MAP4: variants seen among roughly 807,000 people sequenced by gnomAD.
The protein encoded by MAP4 is microtubule associated protein 4.
MAP4 carries 76 observed loss-of-function variants against 170.2 expected under a neutral mutation model. The ratio of observed to expected loss-of-function variants is 0.45; its 90% CI spans 0.37 to 0.54. The LOEUF (loss-of-function observed/expected upper bound fraction) is 0.54, where lower values mean the gene tolerates loss of function less well. Ranked by LOEUF, MAP4 falls within the 20% of genes least tolerant of loss-of-function variation. The probability of loss-of-function intolerance (pLI) is 0.00; values close to 1 mark genes in which losing one functional copy is unlikely to be tolerated. For synonymous variants in MAP4, 909 were observed against 994.5 expected (o/e 0.91, Z 1.62); for missense variants, 2,506 against 2,748.0 (o/e 0.91, Z 1.97).
intron 10 of MAP4, chr3:47,892,736 CA>C: frequency 7.5e-7 from 1 of 1,330,330 alleles, no homozygotes. Flanking sequence ...TTCTGCACAA[CA>C]AAATGCTACT....
intron 1 of MAP4, among the ~76,000 whole-genome samples, chr3:48,031,770 C>T (rs2100116232): frequency 6.6e-6 from 1 of 152,074 alleles, no homozygotes; most frequent in African/African-American, 2.4e-5. Context: ...ATGGTCCCAG[C>T]TATTTGGGAA....
At chr3:47,886,494 T>G (rs185673290) in intron 10 of MAP4, among the ~76,000 whole-genome samples, 21 of 152,168 alleles carry the variant, frequency 1.4e-4, no homozygotes, top group African/African-American at 4.3e-4. Flanking sequence ...TAGAGATGGG[T>G]TTTTTGCCAT....
At chr3:47,900,998 G>T (rs2100029679) in intron 10 of MAP4, among the ~76,000 whole-genome samples, 1 of 152,090 alleles carries the variant, frequency 6.6e-6, no homozygotes, top group Non-Finnish European at 1.5e-5. Flanking sequence ...TTTAACAGAT[G>T]TCCCTGTTTC....
chr3:48,000,633 G>A (rs931122845), intron 1 of MAP4, among the ~76,000 whole-genome samples: 5 of 152,114 alleles, frequency 3.3e-5, no homozygotes, highest in Non-Finnish European at 7.4e-5. Context: ...CTATTTAGTT[G>A]CCCTGGTTGA....
chr3:48,013,709 T>TAA lies in MAP4; in HGVS notation c.-20+2623_-20+2624dup, dbSNP rs11373263. On this transcript the variant is annotated intron_variant, in intron 1 of 20. Coordinates refer to ENST00000683076, the MANE Select transcript of MAP4 (RefSeq NM_001385682.1). ...CATTTATAATTGGGTTGAGGTTTAT[T>TAA]AAAAAAAAAAAAAAAAGCTTTTTGG... Among the ~76,000 whole-genome samples, 607 of 134,664 alleles carry TAA rather than the reference T, an allele frequency of 4.5e-3. 2 individuals are homozygous for TAA. The highest frequency in any genetic ancestry group is 9.9e-3 in the East Asian group (47 of 4,750). 88.3% of individuals were successfully genotyped at this position (134,664 alleles called of 152,430 possible). A position where few individuals can be genotyped will look rare whatever the true frequency, so the allele number is the denominator to read the frequency against.
intron 1 of MAP4, among the ~76,000 whole-genome samples, chr3:48,055,950 A>AGG: frequency 1.1e-5 from 1 of 87,344 alleles, no homozygotes; most frequent in East Asian, 4.0e-4. Context: ...CTGAGAAGTG[A>AGG]GGAGACCCTC....
chr3:47,969,362 C>G (rs777886025), intron 3 of MAP4, among the ~76,000 whole-genome samples: 1 of 150,802 alleles, frequency 6.6e-6, no homozygotes, highest in African/African-American at 2.4e-5. Context: ...GCCAAGATCA[C>G]GCCATTGCAC....
chr3:47,865,651 A>G (rs1559812810), intron 17 of MAP4, among the ~76,000 whole-genome samples: 1 of 152,174 alleles, frequency 6.6e-6, no homozygotes. Context: ...TCTAAAAATG[A>G]TAAGGGTAAG....
At chr3:48,056,509 C>G (rs1204496224) in intron 1 of MAP4, among the ~76,000 whole-genome samples, 2 of 75,152 alleles carry the variant, frequency 2.7e-5, no homozygotes, top group South Asian at 9.4e-4. Context: ...GCCCTCCCCC[C>G]GGCCAGCCGC....
At chr3:47,868,579 G>T (rs568654823) in intron 16 of MAP4, among the ~76,000 whole-genome samples, 1 of 152,142 alleles carries the variant, frequency 6.6e-6, no homozygotes, top group African/African-American at 2.4e-5. Context: ...GGTAGGTGTT[G>T]CAAGCACTCA....
chr3:47,987,353 G>A, intron 2 of MAP4: 1 of 1,498,682 alleles, frequency 6.7e-7, no homozygotes. Flanking sequence ...ACAGAGGAAA[G>A]AGGAAAGTTC....
chr3:47,952,271 C>T (rs1318283240), intron 3 of MAP4, among the ~76,000 whole-genome samples: 6 of 144,570 alleles, frequency 4.2e-5, no homozygotes, highest in African/African-American at 5.1e-5. Flanking sequence ...GGGGGTCAGC[C>T]CCCCCGCCCG....
intron 10 of MAP4, among the ~76,000 whole-genome samples, chr3:47,885,097 T>C (rs1171811087): frequency 6.6e-6 from 1 of 152,158 alleles, no homozygotes; most frequent in Non-Finnish European, 1.5e-5. Flanking sequence ...TTTTTCTTTC[T>C]TGTTTTTTTG....
chr3:47,934,586 G>A (rs536243704), intron 3 of MAP4, among the ~76,000 whole-genome samples: 2 of 152,288 alleles, frequency 1.3e-5, no homozygotes, highest in East Asian at 1.9e-4. Flanking sequence ...ACAGGCCACC[G>A]TGCCTGGCCC....
At chr3:47,994,144 T>C (rs1275222914) in intron 2 of MAP4, among the ~76,000 whole-genome samples, 2 of 152,184 alleles carry the variant, frequency 1.3e-5, no homozygotes, top group East Asian at 3.8e-4. Context: ...TTTCTTCATT[T>C]TTCTTCATTT....
intron 3 of MAP4, chr3:47,974,389 C>T: frequency 1.2e-6 from 1 of 840,660 alleles, no homozygotes; most frequent in Non-Finnish European, 1.4e-6. Context: ...CGCGCCACCG[C>T]ACTCCAGCCT....
intron 1 of MAP4, among the ~76,000 whole-genome samples, chr3:48,067,920 G>A (rs1439986648): frequency 2.6e-5 from 4 of 152,066 alleles, no homozygotes; most frequent in African/African-American, 7.2e-5. Flanking sequence ...GATTACAGGC[G>A]TGAGCCACTG....
chr3:47,975,414 ATCACTGG>A (rs2100081409), intron 3 of MAP4: 1 of 1,561,696 alleles, frequency 6.4e-7, no homozygotes, highest in African/African-American at 1.4e-5. Context: ...CTTAGGAAAG[ATCACTGG>A]TCTGGTGTTG....
Position 47,870,832 on chromosome 3 carries a change from T to A in MAP4, c.6275A>T (p.His2092Leu). The change falls in exon 15 of 21, where the codon CAT becomes CTT. Residue 2092 changes from histidine to leucine, a missense_variant. His to Leu is a moderately conservative substitution (Grantham distance 99, BLOSUM62 -3). Coordinates refer to ENST00000683076, the MANE Select transcript of MAP4 (RefSeq NM_001385682.1). ...ACCCACCCGGCCTCCTCCAGGCTGA[T>A]GCTTGATGTTTTCCGTGGAGCCAAC... Reference protein sequence around the residue: ...SKVGSTENIKHQPGGGRAKVE... With the variant: ...SKVGSTENIKLQPGGGRAKVE... 6.3e-7 allele frequency: 1 copy of A among 1,577,680 alleles called. No homozygotes were observed. Among genetic ancestry groups the A allele is most frequent in the Non-Finnish European group, 8.6e-7 (1 of 1,159,546 alleles).
Sources: gnomAD v4.1 joint callset for allele counts (sites outside exome capture counted in the v4.1 genomes callset) on GRCh38, gnomAD v4.1.1 for gene constraint, MANE v1.5 for transcripts, NCBI Gene and HGNC (gene_info 2026-07-23, HGNC 2026-07-21) for gene names.